Variants in SNX4 observed in about 807,000 individuals in gnomAD.
SNX4 encodes sorting nexin-4.
Under a neutral mutation model 70.8 loss-of-function variants are expected in SNX4, and 49 were observed. The ratio of observed to expected loss-of-function variants is 0.69; its 90% CI spans 0.55 to 0.88. The LOEUF (loss-of-function observed/expected upper bound fraction) is 0.88. SNX4 is among the 40% of genes least tolerant of loss of function. The pLI is 0.00. For missense variants in SNX4, 528 were observed against 544.8 expected (o/e 0.97, Z 0.31); for synonymous variants, 206 against 183.8 (o/e 1.12, Z -0.98).
At chr3:125,506,789 G>C (rs1455921290) in intron 1 of SNX4, among the ~76,000 whole-genome samples, 2 of 83,678 alleles carry the variant, frequency 2.4e-5, no homozygotes, top group Non-Finnish European at 4.5e-5. Context: ...TAGATGCTCA[G>C]AGAACTTAAA....
chr3:125,459,374 T>C (rs1933816188), intron 10 of SNX4, among the ~76,000 whole-genome samples: 1 of 152,158 alleles, frequency 6.6e-6, no homozygotes, highest in African/African-American at 2.4e-5. Flanking sequence ...TGGCCATCTT[T>C]CCATGTCAAC....
At chr3:125,464,418 G>C (rs1305680468) in intron 9 of SNX4, among the ~76,000 whole-genome samples, 1 of 149,754 alleles carries the variant, frequency 6.7e-6, no homozygotes, top group Non-Finnish European at 1.5e-5. Context: ...AATTGAATTA[G>C]TTTTGTGTCA....
chr3:125,506,344 CT>C (rs552693772), intron 1 of SNX4, among the ~76,000 whole-genome samples: 311 of 137,660 alleles, frequency 2.3e-3, no homozygotes, highest in Middle Eastern at 3.9e-3. Flanking sequence ...TTTTTCATTT[CT>C]TTTTTTTTTT....
intron 8 of SNX4, among the ~76,000 whole-genome samples, chr3:125,470,606 G>A (rs1024757517): frequency 3.3e-5 from 5 of 151,512 alleles, no homozygotes; most frequent in African/African-American, 9.7e-5. Context: ...CACAAGGGTC[G>A]CTCTAGTATT....
At position 125,457,364 on chromosome 3, in the gene SNX4, C is replaced by A. The variant is rs750433587; in HGVS notation, c.946G>T (p.Ala316Ser). 6 of 1,611,154 alleles carry A rather than the reference C, an allele frequency of 3.7e-6. No individual in the cohort carries two copies. Among genetic ancestry groups the A allele is most frequent in the East Asian group, 4.5e-5 (2 of 44,872 alleles). ...EYLFYAEALR[A>S]VCRKHELMQY... ...ATAAGTTCATGTTTCCTGCACACAGCCCTACAGATGAAAAAATGTGCTGCC... is the reference window on the plus strand; with the variant it reads ...ATAAGTTCATGTTTCCTGCACACAGACCTACAGATGAAAAAATGTGCTGCC... The change falls in exon 11 of 14, where the codon GCT (alanine) becomes TCT (serine). Residue 316 changes from alanine to serine, a missense_variant and splice_region_variant. Physicochemically the swap from Ala to Ser is moderately conservative, Grantham distance 99. Around this residue, in one of 3 missense-constraint regions of SNX4, gnomAD observed 159 missense variants for 172.6 expected, o/e 0.92. Coordinates refer to ENST00000251775, the MANE Select transcript of SNX4 (RefSeq NM_003794.4).
At chr3:125,484,806 T>A (rs1934486060) in intron 6 of SNX4, among the ~76,000 whole-genome samples, 1 of 151,946 alleles carries the variant, frequency 6.6e-6, no homozygotes, top group Non-Finnish European at 1.5e-5. Context: ...AGACCCTGTT[T>A]CTGCAAAAAG....
At chr3:125,455,266 G>A (rs926930341) in intron 11 of SNX4, among the ~76,000 whole-genome samples, 10 of 152,094 alleles carry the variant, frequency 6.6e-5, no homozygotes, top group African/African-American at 2.2e-4. Flanking sequence ...AAACTTCCAC[G>A]TGAAATATTA....
At chr3:125,472,429 G>A (rs78780950) in intron 8 of SNX4, among the ~76,000 whole-genome samples, 7 of 152,040 alleles carry the variant, frequency 4.6e-5, no homozygotes, top group Admixed American at 3.9e-4. Context: ...TTCTCAAGCT[G>A]GGATGTTTTC....
At chr3:125,463,126 A>T (rs979076348) in intron 9 of SNX4, among the ~76,000 whole-genome samples, 4 of 152,326 alleles carry the variant, frequency 2.6e-5, no homozygotes, top group Middle Eastern at 3.4e-3. Flanking sequence ...TTGAAGTTGT[A>T]AGACAAAATA....
intron 5 of SNX4, among the ~76,000 whole-genome samples, chr3:125,496,208 C>T (rs36102274): frequency 3.9e-5 from 6 of 152,088 alleles, no homozygotes; most frequent in South Asian, 2.1e-4. Context: ...GCAGGCGGAT[C>T]GCTTGAGTCC....
intron 1 of SNX4, among the ~76,000 whole-genome samples, chr3:125,508,816 A>G (rs1035363841): frequency 6.6e-5 from 10 of 152,180 alleles, no homozygotes; most frequent in African/African-American, 2.4e-4. Flanking sequence ...GAATATCTAC[A>G]TACAAAAAAA....
At chr3:125,518,994 C>T (rs59379781) in intron 1 of SNX4, among the ~76,000 whole-genome samples, 39,508 of 151,834 alleles carry the variant, frequency 0.26, 5,354 homozygotes, top group Admixed American at 0.36. Flanking sequence ...GCCTGGGTGA[C>T]AAAGACTATG....
chr3:125,476,808 T>A (rs770029023), intron 7 of SNX4, 52 bp from the exon 8 acceptor site: 4 of 1,113,196 alleles, frequency 3.6e-6, no homozygotes, highest in South Asian at 2.8e-5. Flanking sequence ...TATATCCTCA[T>A]CTAAAAAATA....
chr3:125,477,465 C>G (rs529273820), intron 7 of SNX4, among the ~76,000 whole-genome samples: 1 of 152,128 alleles, frequency 6.6e-6, no homozygotes, highest in Non-Finnish European at 1.5e-5. Flanking sequence ...ATTTGCTTTA[C>G]GTTCCCCCAA....
intron 1 of SNX4, among the ~76,000 whole-genome samples, chr3:125,509,983 T>C (rs1015146146): frequency 2.0e-5 from 3 of 152,050 alleles, no homozygotes; most frequent in Non-Finnish European, 4.4e-5. Flanking sequence ...TGTGGAGAAA[T>C]TGGAACCCTC....
intron 6 of SNX4, among the ~76,000 whole-genome samples, chr3:125,481,038 C>A (rs1934398921): frequency 6.6e-6 from 1 of 152,154 alleles, no homozygotes; most frequent in African/African-American, 2.4e-5. Context: ...TGACAACACA[C>A]CCAGCTATTA....
chr3:125,493,470 G>A (rs951238479), intron 5 of SNX4, among the ~76,000 whole-genome samples: 4 of 151,386 alleles, frequency 2.6e-5, no homozygotes, highest in Admixed American at 1.3e-4. Context: ...TGGCTAACAC[G>A]GTGAAACCCT....
chr3:125,480,153 A>C (rs1934378489), intron 7 of SNX4, 94 bp downstream of exon 7: 1 of 699,170 alleles, frequency 1.4e-6, no homozygotes, highest in Non-Finnish European at 2.3e-6. Flanking sequence ...TCAGTTATTC[A>C]TGGTAAATAC....
intron 12 of SNX4, among the ~76,000 whole-genome samples, chr3:125,453,489 CTTTT>C (rs1011339302): frequency 1.3e-5 from 2 of 148,264 alleles, no homozygotes; most frequent in Non-Finnish European, 3.0e-5. Flanking sequence ...ATTCAACTTT[CTTTT>C]ATTTTTATTT....
Sources: gnomAD v4.1 joint callset for allele counts (sites outside exome capture counted in the v4.1 genomes callset) on GRCh38, gnomAD v4.1.1 for gene constraint, gnomAD v4.1.1 regional missense constraint, MANE v1.5 for transcripts, NCBI Gene and HGNC (gene_info 2026-07-23, HGNC 2026-07-21) for gene names.